MLN: variants seen among roughly 807,000 people sequenced by gnomAD.
The protein encoded by MLN is motilin, also known as promotilin.
In MLN, 14 loss-of-function variants were observed where a neutral mutation model predicts 13.3. The ratio of observed to expected loss-of-function variants is 1.05; its 90% CI spans 0.69 to 1.64. The LOEUF (loss-of-function observed/expected upper bound fraction) is 1.64, where lower values mean the gene tolerates loss of function less well. MLN is among the 40% of genes most tolerant of loss of function. The probability of loss-of-function intolerance (pLI) is 0.00; values close to 1 mark genes in which losing one functional copy is unlikely to be tolerated. For synonymous variants in MLN, 59 were observed against 54.7 expected, an observed-to-expected ratio of 1.08 and a Z score of -0.34; for missense variants, 122 against 142.9, an observed-to-expected ratio of 0.85 and a Z score of 0.75.
chr6:33,803,016 G>A lies in MLN; in HGVS notation c.-8+937C>T, dbSNP rs1175770837. Among the ~76,000 whole-genome samples, 1 of 152,096 alleles carries A rather than the reference G, an allele frequency of 6.6e-6. No individual in the cohort carries two copies. The highest frequency in any genetic ancestry group is 1.5e-5 in the Non-Finnish European group (1 of 68,020). ...ATAAAAACTTTAAATTAAAAAAAAG[G>A]CAAAATCCAATTGCTTCTCATTTTC... On this transcript the variant is annotated intron_variant, in intron 1 of 4. Transcript: ENST00000430124. This position sits in a 1 kb window ranked among gnomAD's most constrained non-coding sequence, Gnocchi z 4.5.
intron 3 of MLN, 146 bp downstream of exon 3, chr6:33,798,959 G>A (rs1047857215): frequency 7.6e-5 from 42 of 552,870 alleles, no homozygotes; most frequent in African/African-American, 7.0e-4. Context: ...TACGAGGATG[G>A]AGCTCATTGC....
chr6:33,796,284 ATGAGAT>A (rs1212014877), intron 3 of MLN, among the ~76,000 whole-genome samples: 1 of 152,148 alleles, frequency 6.6e-6, no homozygotes, highest in Non-Finnish European at 1.5e-5. Context: ...ACTGAGGACA[ATGAGAT>A]TGAGTAACTT....
intron 1 of MLN, among the ~76,000 whole-genome samples, chr6:33,802,741 C>A (rs1760875535): frequency 6.6e-6 from 1 of 152,210 alleles, no homozygotes; most frequent in African/African-American, 2.4e-5. Flanking sequence ...CCCAAGACCA[C>A]CTCCCAGGAA....
intron 3 of MLN, 134 bp downstream of exon 3, chr6:33,798,971 T>C (rs889112035): frequency 2.1e-5 from 12 of 576,406 alleles, no homozygotes; most frequent in Non-Finnish European, 3.4e-5. Flanking sequence ...GCTCATTGCC[T>C]GGATGTCTTG....
intron 2 of MLN, among the ~76,000 whole-genome samples, chr6:33,800,132 A>G (rs1768010221): frequency 6.6e-6 from 1 of 152,204 alleles, no homozygotes; most frequent in East Asian, 1.9e-4. Context: ...ACACCTCCCC[A>G]CATAAAGTGG....
intron 1 of MLN, among the ~76,000 whole-genome samples, chr6:33,801,591 C>T (rs1298282791): frequency 1.3e-5 from 2 of 152,210 alleles, no homozygotes; most frequent in Non-Finnish European, 2.9e-5. Flanking sequence ...GCCCCAGTGC[C>T]TATTAGAATG....
chr6:33,798,103 C>T (rs1460209109), intron 3 of MLN, among the ~76,000 whole-genome samples: 1 of 152,162 alleles, frequency 6.6e-6, no homozygotes, highest in Non-Finnish European at 1.5e-5. Context: ...TCCTAGGACA[C>T]CTGCTGTCGC....
rs996257622 is a variant in MLN at position 33,799,996 on chromosome 6, G to C, written c.118-775C>G. ...GTCATCCTGTGGGGAGTGTGCTGGC[G>C]TGGAGGAAAGTGTGTTGGGGCCTGC... On this transcript the variant is annotated intron_variant, in intron 2 of 4. Transcript: ENST00000430124. This position sits in a 1 kb window ranked among gnomAD's most constrained non-coding sequence, Gnocchi z 4.6. Among the ~76,000 whole-genome samples the C allele has an allele frequency of 2.0e-5, 3 of 152,172 alleles. No individual in the cohort carries two copies. Among genetic ancestry groups the C allele is most frequent in the Non-Finnish European group, 2.9e-5 (2 of 68,026 alleles).
chr6:33,796,489 C>T (rs766269098), intron 3 of MLN, among the ~76,000 whole-genome samples: 56 of 151,262 alleles, frequency 3.7e-4, no homozygotes, highest in African/African-American at 1.3e-3. Context: ...GTCCCCGCTC[C>T]GCAGAGCTTC....
chr6:33,798,842 G>A (rs368095152), intron 3 of MLN, among the ~76,000 whole-genome samples: 62 of 152,084 alleles, frequency 4.1e-4, no homozygotes, highest in African/African-American at 6.0e-4. Flanking sequence ...TCCCTGACCC[G>A]TCTCAGGGAC....
chr6:33,800,979 T>G, intron 2 of MLN, 68 bp downstream of exon 2: 1 of 1,235,472 alleles, frequency 8.1e-7, no homozygotes, highest in Non-Finnish European at 1.2e-6. Context: ...ACACTTTCCT[T>G]GGTATCACCG....
chr6:33,799,053 G>A lies in MLN; in HGVS notation c.234+52C>T. 2 of 1,286,904 alleles carry A rather than the reference G, an allele frequency of 1.6e-6. No homozygotes were observed. The highest frequency in any genetic ancestry group is 2.2e-6 in the Non-Finnish European group (2 of 893,818). The allele number at this position is 1,286,904 out of a possible 1,614,324, so 79.7% of individuals were successfully genotyped here. ...GGCTCTGCCTCCAGGCCAGGCAGGG[G>A]AATGCATGCCCTGCTCTGAGTTTCT... On this transcript the variant is annotated intron_variant, in intron 3 of 4. Transcript: ENST00000430124. The surrounding 1 kb of genome is among the most constrained non-coding windows in gnomAD (Gnocchi z 4.6).
Position 33,800,989 on chromosome 6 carries a change from G to A in MLN, c.117+58C>T, listed in dbSNP as rs150942436. 62 of 1,325,420 alleles carry A rather than the reference G, an allele frequency of 4.7e-5. 1 individual carries two copies. Among genetic ancestry groups the A allele is most frequent in the South Asian group, 3.3e-4 (28 of 84,180 alleles). 82.1% of individuals were successfully genotyped at this position (1,325,420 alleles called of 1,614,324 possible). ...CCTTTACACTTTCCTTGGTATCACC[G>A]GCATAGGTCATAGTGACCTCAGCCT... On this transcript the variant is annotated intron_variant, in intron 2 of 4. Transcript: ENST00000430124.
chr6:33,795,413 A>G (rs896198177), intron 4 of MLN, 90 bp downstream of exon 4: 2 of 1,063,062 alleles, frequency 1.9e-6, no homozygotes, highest in Admixed American at 2.1e-5. Context: ...CAGCCAAACA[A>G]ATTGCCACCC....
At chr6:33,801,570 G>A (rs1760830571) in intron 1 of MLN, among the ~76,000 whole-genome samples, 1 of 152,198 alleles carries the variant, frequency 6.6e-6, no homozygotes, top group Non-Finnish European at 1.5e-5. Flanking sequence ...AAGACCCAGA[G>A]AGACCTCCCT....
chr6:33,795,683 G>T, intron 3 of MLN, 78 bp from the exon 4 acceptor site: 1 of 1,290,362 alleles, frequency 7.7e-7, no homozygotes, highest in South Asian at 1.3e-5. Context: ...CAGGTGGCAG[G>T]AGGGACCCTT....
At position 33,801,090 on chromosome 6, in the gene MLN, G is replaced by C. The variant is rs146896135; in HGVS notation, c.74C>G (p.Ala25Gly). The C allele has an allele frequency of 2.1e-3, 3,430 of 1,614,098 alleles. 20 individuals are homozygous for C. Among genetic ancestry groups the C allele is most frequent in the Middle Eastern group, 0.014 (82 of 6,062 alleles). Residue 25 changes from alanine (A) to glycine (G), a missense_variant, in exon 2 of 5, where the codon GCC (alanine) becomes GGC (glycine). Ala to Gly is a moderately conservative substitution (Grantham distance 60). Coordinates refer to ENST00000430124, the MANE Select transcript of MLN (RefSeq NM_002418.3). Reference protein sequence around the residue: ...VAAMLASQTEAFVPIFTYGEL... With the variant: ...VAAMLASQTEGFVPIFTYGEL... ...GCCATAGGTGAAGATGGGGACGAAG[G>C]CTTCCGTCTGGGAGGCCAGCATGGC...
At chr6:33,794,926 AG>A (rs1767874074) in intron 4 of MLN, 91 bp from the exon 5 acceptor site, 2 of 1,489,682 alleles carry the variant, frequency 1.3e-6, no homozygotes, top group Non-Finnish European at 1.9e-6. Flanking sequence ...CGGAGGGAGG[AG>A]GGGGCACAAG....
chr6:33,801,376 G>C (rs1427896906), intron 1 of MLN, among the ~76,000 whole-genome samples: 7 of 152,232 alleles, frequency 4.6e-5, no homozygotes, highest in African/African-American at 1.7e-4. Flanking sequence ...AGCTGTGGCA[G>C]CTGGCCAAGC....
Sources: allele counts gnomAD v4.1 joint callset (sites outside exome capture counted in the v4.1 genomes callset), GRCh38; gene constraint gnomAD v4.1.1; non-coding constraint Gnocchi (gnomAD v3.1); transcripts MANE v1.5; gene names NCBI Gene and HGNC (gene_info 2026-07-23, HGNC 2026-07-21).